SLC24A5: variants seen among roughly 807,000 people sequenced by gnomAD.
The protein encoded by SLC24A5 is solute carrier family 24 member 5.
In SLC24A5, 46 loss-of-function variants were observed where a neutral mutation model predicts 51.6. The observed-to-expected ratio is 0.89, with a 90% CI of 0.70 to 1.14. The LOEUF (loss-of-function observed/expected upper bound fraction) is 1.14. SLC24A5 is among the 50% of genes most tolerant of loss of function. The probability of loss-of-function intolerance (pLI) is 0.00; values close to 1 mark genes in which losing one functional copy is unlikely to be tolerated. For missense variants in SLC24A5, 581 were observed against 604.1 expected, an observed-to-expected ratio of 0.96 and a Z score of 0.40; for synonymous variants, 230 against 214.9, an observed-to-expected ratio of 1.07 and a Z score of -0.62.
chr15:48,129,881 A>C (rs545926504), intron 2 of SLC24A5, among the ~76,000 whole-genome samples: 3 of 152,088 alleles, frequency 2.0e-5, no homozygotes, highest in Non-Finnish European at 4.4e-5. Flanking sequence ...TGGCAAAATG[A>C]GGCTTGTCTA....
chr15:48,141,434 G>A (rs931558964), intron 8 of SLC24A5: 18 of 332,292 alleles, frequency 5.4e-5, no homozygotes, highest in Admixed American at 3.1e-4. Context: ...AAAATTAGCC[G>A]GGCGTGGTGG....
intron 2 of SLC24A5, among the ~76,000 whole-genome samples, chr15:48,131,752 A>G (rs1322478403): frequency 1.3e-5 from 2 of 152,170 alleles, no homozygotes; most frequent in Non-Finnish European, 2.9e-5. Context: ...TAAACTACAA[A>G]AATCATTTAT....
chr15:48,131,315 A>G (rs2038787560), intron 2 of SLC24A5, among the ~76,000 whole-genome samples: 1 of 152,108 alleles, frequency 6.6e-6, no homozygotes. Context: ...TAATCACTCT[A>G]ATCAGGAAAA....
intron 2 of SLC24A5, among the ~76,000 whole-genome samples, chr15:48,130,586 G>T (rs2140718810): frequency 6.6e-6 from 1 of 152,224 alleles, no homozygotes; most frequent in East Asian, 1.9e-4. Context: ...GTATTCAGCT[G>T]CACTGTTTGG....
Position 48,139,155 on chromosome 15 carries a change from T to A in SLC24A5, c.1058T>A (p.Val353Asp). Residue 353 changes from valine to aspartate, a missense_variant, in exon 7 of 9, where the codon GTT becomes GAT. Val to Asp is a radical substitution (Grantham distance 152). Coordinates refer to ENST00000341459, the MANE Select transcript of SLC24A5 (RefSeq NM_205850.3). ...IWISAFTYIL[V>D]WMVTITGETL... ...ATATCCGCATTTACATATATCCTGG[T>A]TTGGATGGTCACAATAACTGGTATG... is the stretch of plus-strand genomic sequence containing the variant. 6.2e-7 allele frequency: 1 copy of A among 1,612,024 alleles called. No homozygotes were observed. The highest frequency in any genetic ancestry group is 1.3e-5 in the African/African-American group (1 of 75,006).
intron 5 of SLC24A5, chr15:48,136,470 A>G: frequency 2.5e-6 from 1 of 393,386 alleles, no homozygotes. Context: ...TTAAAAAAAA[A>G]AAAACAACAC....
chr15:48,130,333 T>C (rs2140718304), intron 2 of SLC24A5, among the ~76,000 whole-genome samples: 1 of 152,280 alleles, frequency 6.6e-6, no homozygotes, highest in African/African-American at 2.4e-5. Flanking sequence ...TTCAGAGGTA[T>C]AAAACATTTT....
chr15:48,137,094 C>A, intron 6 of SLC24A5, 131 bp downstream of exon 6: 2 of 944,254 alleles, frequency 2.1e-6, no homozygotes, highest in Non-Finnish European at 3.1e-6. Context: ...TGATAAAGAC[C>A]AAGTCCCTAC....
chr15:48,140,728 G>C (rs1026717963), intron 7 of SLC24A5: 1 of 184,654 alleles, frequency 5.4e-6, no homozygotes, highest in African/African-American at 2.4e-5. Flanking sequence ...TAATTAATTT[G>C]CTTAACTCTG....
intron 2 of SLC24A5, among the ~76,000 whole-genome samples, chr15:48,128,082 C>T (rs1300147197): frequency 1.3e-5 from 2 of 151,644 alleles, no homozygotes; most frequent in African/African-American, 4.8e-5. Context: ...ATTTTAGAAA[C>T]ACAAAAGATG....
intron 2 of SLC24A5, among the ~76,000 whole-genome samples, chr15:48,130,434 T>C (rs2140718482): frequency 6.6e-6 from 1 of 152,254 alleles, no homozygotes; most frequent in East Asian, 1.9e-4. Context: ...CTTTCATAAT[T>C]TGAGTGCAGT....
At position 48,142,002 on chromosome 15, in the gene SLC24A5, T is replaced by C. The variant is rs1025850314; in HGVS notation, c.1181-27T>C. The stretch of plus-strand genomic sequence containing the variant: ...ATAAAACACAGTATTGGTAAGCACA[T>C]TTTAACAGTATGCTTTTCTTTTGTA... On this transcript the variant is annotated intron_variant, in intron 8 of 8. Coordinates refer to ENST00000341459, the MANE Select transcript of SLC24A5 (RefSeq NM_205850.3). 3 of 1,530,306 alleles carry C rather than the reference T, an allele frequency of 2.0e-6. No individual in the cohort carries two copies. In the East Asian group the frequency reaches 6.8e-5, roughly 35 times the overall value. The allele number at this position is 1,530,306 out of a possible 1,614,324, so 94.8% of individuals were successfully genotyped here.
intron 2 of SLC24A5, chr15:48,122,433 G>T (rs1324619987): frequency 1.1e-5 from 3 of 273,004 alleles, no homozygotes; most frequent in African/African-American, 4.4e-5. Context: ...CTCTAAGCTC[G>T]CTATAACTTT....
chr15:48,135,039 G>A, intron 5 of SLC24A5, 55 bp downstream of exon 5: 2 of 1,383,812 alleles, frequency 1.4e-6, no homozygotes, highest in Non-Finnish European at 2.0e-6. Context: ...AATTTCTGAT[G>A]GTTCAGTAAT....
At chr15:48,123,962 C>A (rs887388266) in intron 2 of SLC24A5, 8 of 150,840 alleles carry the variant, frequency 5.3e-5, no homozygotes, top group African/African-American at 1.9e-4. Flanking sequence ...GTTTTTTTGC[C>A]CATATTATAT....
At position 48,142,035 on chromosome 15, in the gene SLC24A5, G is replaced by A. The variant is rs758699282; in HGVS notation, c.1187G>A (p.Gly396Glu). 2 of 1,606,308 alleles carry A rather than the reference G, an allele frequency of 1.2e-6. No individual in the cohort carries two copies. The highest frequency in any genetic ancestry group is 1.7e-6 in the Non-Finnish European group (2 of 1,175,186). ...GTATGCTTTTCTTTTGTAGGGAAAGGAGATATGGCTATGTCTAACATCGTG... is the reference window on the plus strand; with the variant it reads ...GTATGCTTTTCTTTTGTAGGGAAAGAAGATATGGCTATGTCTAACATCGTG... The part of the protein sequence containing the change: ...ASVLVARKGK[G>E]DMAMSNIVGS... The change falls in exon 9 of 9, where the codon GGA (glycine) becomes GAA (glutamate). Residue 396 changes from glycine to glutamate, a missense_variant. Gly to Glu is a moderately conservative substitution (Grantham distance 98). Coordinates refer to ENST00000341459, the MANE Select transcript of SLC24A5 (RefSeq NM_205850.3).
chr15:48,140,228 A>G (rs527733248), intron 7 of SLC24A5: 2 of 152,274 alleles, frequency 1.3e-5, no homozygotes, highest in East Asian at 3.9e-4. Context: ...AACAGCCCCC[A>G]AGATGATAAA....
At chr15:48,121,282 T>G in intron 1 of SLC24A5, 117 bp downstream of exon 1, 1 of 1,124,690 alleles carries the variant, frequency 8.9e-7, no homozygotes, top group Non-Finnish European at 1.2e-6. Context: ...TACTTACGCT[T>G]CTGAATTTTA....
chr15:48,141,255 A>C, intron 8 of SLC24A5, 41 bp downstream of exon 8: 1 of 1,437,040 alleles, frequency 7.0e-7, no homozygotes, highest in Non-Finnish European at 9.8e-7. Flanking sequence ...TCATTCTACA[A>C]GGCTAGAATG....
Sources: gnomAD v4.1 joint callset for allele counts (sites outside exome capture counted in the v4.1 genomes callset) on GRCh38, gnomAD v4.1.1 for gene constraint, MANE v1.5 for transcripts, NCBI Gene and HGNC (gene_info 2026-07-23, HGNC 2026-07-21) for gene names.